PAN3: variants seen among roughly 807,000 people sequenced by gnomAD.
PAN3 encodes the protein poly(A) specific ribonuclease subunit PAN3.
A neutral mutation model predicts 96.2 loss-of-function variants in PAN3; 19 were observed. That is an observed-to-expected ratio of 0.20 (90% CI 0.14 to 0.29). The LOEUF (loss-of-function observed/expected upper bound fraction) is 0.29, where lower values mean the gene tolerates loss of function less well. Ranked by LOEUF, PAN3 falls within the 10% of genes least tolerant of loss-of-function variation. The pLI is 1.00. For synonymous variants in PAN3, 433 were observed against 406.6 expected, an observed-to-expected ratio of 1.06 and a Z score of -0.78; for missense variants, 882 against 1,108.1, an observed-to-expected ratio of 0.80 and a Z score of 2.90.
Position 28,294,675 on chromosome 13 carries a change from C to T in PAN3, c.*2153C>T, listed in dbSNP as rs1870128437. On this transcript the variant is annotated 3_prime_UTR_variant, in exon 19 of 19. Transcript: ENST00000380958. Reference sequence around the variant, plus strand: ...GCAAGGCAAGTTTACATCACAAATCCAAGAATGTTTGCATCCTAAATGCTA... The same window carrying T: ...GCAAGGCAAGTTTACATCACAAATCTAAGAATGTTTGCATCCTAAATGCTA... 6.6e-6 allele frequency: 1 copy of T among 152,594 alleles called. No individual in the cohort carries two copies. Among genetic ancestry groups the T allele is most frequent in the African/African-American group, 2.4e-5 (1 of 41,428 alleles). The allele number at this position is 152,594 out of a possible 1,614,324, so 9.5% of individuals were successfully genotyped here.
In PAN3 at chr13:28,266,838, G is replaced by A; in HGVS notation, c.1535G>A (p.Ser512Asn). 1.2e-6 allele frequency: 2 copies of A among 1,607,996 alleles called. No homozygotes were observed. The highest frequency in any genetic ancestry group is 2.7e-5 in the African/African-American group (2 of 74,834). Residue 512 changes from serine (S) to asparagine (N), a missense_variant, in exon 10 of 19, where the codon AGC becomes AAC. Around this residue, in one of 3 missense-constraint regions of PAN3, gnomAD observed 364 missense variants for 513.6 expected, o/e 0.71. Coordinates refer to ENST00000380958, the MANE Select transcript of PAN3 (RefSeq NM_175854.8). ...ACATCTTGCTACAAAGCTGTAAACAGCAAAGATGATCTGCCATATTGCCTT... is the reference window on the plus strand; with the variant it reads ...ACATCTTGCTACAAAGCTGTAAACAACAAAGATGATCTGCCATATTGCCTT... ...YITSCYKAVN[S>N]KDDLPYCLRR...
chr13:28,261,142 GT>G (rs1266301929), intron 8 of PAN3, among the ~76,000 whole-genome samples: 1 of 152,108 alleles, frequency 6.6e-6, no homozygotes, highest in Non-Finnish European at 1.5e-5. Context: ...CGTTAGTCAC[GT>G]GTTTTGGGTA....
At chr13:28,205,786 G>T (rs989206878) in intron 5 of PAN3, among the ~76,000 whole-genome samples, 3 of 151,114 alleles carry the variant, frequency 2.0e-5, no homozygotes, top group Non-Finnish European at 4.4e-5. Flanking sequence ...AGTGAGCTGT[G>T]ATTGCACTGT....
intron 5 of PAN3, among the ~76,000 whole-genome samples, chr13:28,206,153 T>C (rs1879322748): frequency 6.6e-6 from 1 of 152,148 alleles, no homozygotes; most frequent in Non-Finnish European, 1.5e-5. Flanking sequence ...AAAGGTTCTT[T>C]GGTCAGTACA....
intron 4 of PAN3, among the ~76,000 whole-genome samples, chr13:28,181,179 A>G (rs2138137280): frequency 6.6e-6 from 1 of 152,286 alleles, no homozygotes; most frequent in Non-Finnish European, 1.5e-5. Flanking sequence ...GAGGCCCCTT[A>G]GTATCTTTAG....
At chr13:28,249,031 T>C (rs1317756116) in intron 6 of PAN3, among the ~76,000 whole-genome samples, 2 of 152,254 alleles carry the variant, frequency 1.3e-5, no homozygotes, top group Non-Finnish European at 2.9e-5. Context: ...GTGAGTTGCC[T>C]ATTCACTTTC....
chr13:28,189,534 C>CA (rs201910780), intron 4 of PAN3, among the ~76,000 whole-genome samples: 5,808 of 140,278 alleles, frequency 0.041, 347 homozygotes, highest in African/African-American at 0.14. Context: ...AAAAACAAAA[C>CA]AAAACAAAAA....
intron 6 of PAN3, among the ~76,000 whole-genome samples, chr13:28,228,609 A>C (rs902240032): frequency 2.6e-5 from 4 of 152,218 alleles, no homozygotes; most frequent in African/African-American, 7.2e-5. Context: ...ATCCCTATAC[A>C]TAGTAACTAA....
chr13:28,253,042 A>G (rs1196770862), intron 6 of PAN3, among the ~76,000 whole-genome samples: 3 of 152,220 alleles, frequency 2.0e-5, no homozygotes, highest in African/African-American at 7.2e-5. Context: ...AACTTCTATT[A>G]CAGTGTATCT....
At chr13:28,259,730 C>G (rs968614262) in intron 7 of PAN3, among the ~76,000 whole-genome samples, 8 of 151,902 alleles carry the variant, frequency 5.3e-5, no homozygotes, top group Non-Finnish European at 2.9e-5. Context: ...CCTCTGCCTC[C>G]CTGGTTCAAG....
At chr13:28,146,998 GA>G (rs536142661) in intron 1 of PAN3, among the ~76,000 whole-genome samples, 1 of 151,720 alleles carries the variant, frequency 6.6e-6, no homozygotes, top group Non-Finnish European at 1.5e-5. Flanking sequence ...AAAAGGAAAA[GA>G]AAAAAATAGA....
chr13:28,270,807 A>G lies in PAN3; in HGVS notation c.1899A>G (p.Thr633=), dbSNP rs560075826. ...GTTCTGCATTGCGTACCATTCATACAGCAGGTTTGGCATGTCGAGTTATGG... is the reference window on the plus strand; with the variant it reads ...GTTCTGCATTGCGTACCATTCATACGGCAGGTTTGGCATGTCGAGTTATGG... ...QLSSALRTIH[T]AGLACRVMDP... is the part of the protein sequence containing the mutation. The change falls in exon 13 of 19, where the codon ACA becomes ACG. Residue 633 remains threonine, a synonymous_variant. Transcript: ENST00000380958. The G allele has an allele frequency of 1.3e-4, 211 of 1,614,006 alleles. No individual in the cohort carries two copies. In the East Asian group the frequency reaches 4.0e-3, roughly 31 times the overall value.
intron 4 of PAN3, among the ~76,000 whole-genome samples, chr13:28,195,604 C>T (rs1310559360): frequency 2.6e-5 from 4 of 151,988 alleles, no homozygotes; most frequent in African/African-American, 7.2e-5. Flanking sequence ...GTCATGATCT[C>T]GGCTCACTGC....
chr13:28,267,070 CT>C, intron 10 of PAN3, 24 bp from the exon 11 acceptor site: 1 of 1,565,250 alleles, frequency 6.4e-7, no homozygotes, highest in Non-Finnish European at 8.7e-7. Flanking sequence ...TTAGAGTTTA[CT>C]GGAGTAGAAA....
intron 1 of PAN3, among the ~76,000 whole-genome samples, chr13:28,160,062 C>T (rs984935266): frequency 6.6e-6 from 1 of 152,068 alleles, no homozygotes; most frequent in Admixed American, 6.6e-5. Flanking sequence ...CTCACTCAGC[C>T]TCCCAAGTAG....
intron 1 of PAN3, among the ~76,000 whole-genome samples, chr13:28,167,085 T>A (rs1185425244): frequency 6.8e-6 from 1 of 147,030 alleles, no homozygotes; most frequent in Non-Finnish European, 1.5e-5. Context: ...TATCTTAATT[T>A]TTTTTTTTTT....
intron 5 of PAN3, among the ~76,000 whole-genome samples, chr13:28,197,609 G>C (rs1191677531): frequency 6.6e-6 from 1 of 151,816 alleles, no homozygotes; most frequent in Non-Finnish European, 1.5e-5. Context: ...GTCTCACTCT[G>C]TCCCCCAGGC....
chr13:28,142,672 T>C (rs895617139), intron 1 of PAN3, among the ~76,000 whole-genome samples: 6 of 152,156 alleles, frequency 3.9e-5, no homozygotes, highest in Non-Finnish European at 5.9e-5. Context: ...AGCCACCATA[T>C]ATACCATAAT....
At chr13:28,258,434 G>A (rs887691083) in intron 7 of PAN3, among the ~76,000 whole-genome samples, 1 of 152,216 alleles carries the variant, frequency 6.6e-6, no homozygotes, top group Non-Finnish European at 1.5e-5. Flanking sequence ...GGTGGGATGA[G>A]TCCAGTTGAA....
Sources: gnomAD v4.1 joint callset for allele counts (sites outside exome capture counted in the v4.1 genomes callset) on GRCh38, gnomAD v4.1.1 for gene constraint, gnomAD v4.1.1 regional missense constraint, MANE v1.5 for transcripts, NCBI Gene and HGNC (gene_info 2026-07-23, HGNC 2026-07-21) for gene names.